The following CSNK1D variants were observed in gnomAD, a reference collection of about 807,000 sequenced individuals.
The protein encoded by CSNK1D is casein kinase 1 delta.
A neutral mutation model predicts 46.6 loss-of-function variants in CSNK1D; 16 were observed. The ratio of observed to expected loss-of-function variants is 0.34; its 90% CI spans 0.23 to 0.52. The LOEUF (loss-of-function observed/expected upper bound fraction) is 0.52. CSNK1D is among the 20% of genes least tolerant of loss of function. CSNK1D has a pLI of 0.95. For missense variants in CSNK1D, 398 were observed against 578.4 expected (o/e 0.69, Z 3.20); for synonymous variants, 276 against 228.2 (o/e 1.21, Z -1.89).
intron 2 of CSNK1D, among the ~76,000 whole-genome samples, chr17:82,259,509 A>G (rs939880755): frequency 5.9e-5 from 9 of 152,346 alleles, no homozygotes; most frequent in East Asian, 1.9e-4. Context: ...GGAAAAATCG[A>G]TATGTATCAA....
chr17:82,273,606 G>T lies in CSNK1D; in HGVS notation c.-225C>A. On this transcript the variant is annotated 5_prime_UTR_variant, in exon 1 of 9. Coordinates refer to ENST00000314028, the MANE Select transcript of CSNK1D (RefSeq NM_001893.6). The surrounding 1 kb of genome is among the most constrained non-coding windows in gnomAD (Gnocchi z 5.1). ...GCCGCCGCTGCTCCGGCCCCTACCG[G>T]TCCCGCTTGCCCTCTCCCCGCCGCG... 1.7e-6 allele frequency: 1 copy of T among 577,538 alleles called. No individual in the cohort carries two copies. Among genetic ancestry groups the T allele is most frequent in the Non-Finnish European group, 3.0e-6 (1 of 332,218 alleles). 35.8% of individuals were successfully genotyped at this position (577,538 alleles called of 1,614,324 possible).
chr17:82,247,598 G>C (rs114193039), intron 8 of CSNK1D: 11 of 985,434 alleles, frequency 1.1e-5, no homozygotes, highest in Non-Finnish European at 1.3e-5. Context: ...ATCAAGACAC[G>C]AGGGCACGGG....
At chr17:82,272,504 ACCT>A (rs1263669213) in intron 1 of CSNK1D, among the ~76,000 whole-genome samples, 1 of 152,214 alleles carries the variant, frequency 6.6e-6, no homozygotes, top group African/African-American at 2.4e-5. Context: ...TCTAAAGGAC[ACCT>A]CATGAGTACA....
chr17:82,273,636 G>T lies in CSNK1D; in HGVS notation c.-255C>A, dbSNP rs938132855. The T allele has an allele frequency of 1.5e-5, 8 of 550,640 alleles. No homozygotes were observed. Among genetic ancestry groups the T allele is most frequent in the Admixed American group, 3.5e-5 (1 of 28,316 alleles). The allele number at this position is 550,640 out of a possible 1,614,324, so 34.1% of individuals were successfully genotyped here. Reference sequence around the variant, plus strand: ...GCTTGCCCTCTCCCCGCCGCGGATGGACTCGGATCTTCCGGGCCTAAATCC... The same window carrying T: ...GCTTGCCCTCTCCCCGCCGCGGATGTACTCGGATCTTCCGGGCCTAAATCC... On this transcript the variant is annotated 5_prime_UTR_variant, in exon 1 of 9. Coordinates refer to ENST00000314028, the MANE Select transcript of CSNK1D (RefSeq NM_001893.6). This position sits in a 1 kb window ranked among gnomAD's most constrained non-coding sequence, Gnocchi z 5.1.
chr17:82,249,909 T>C lies in CSNK1D; in HGVS notation c.886-307A>G. 1 of 1,346,340 alleles carries C rather than the reference T, an allele frequency of 7.4e-7. No homozygotes were observed. Among genetic ancestry groups the C allele is most frequent in the South Asian group, 1.5e-5 (1 of 66,226 alleles). 83.4% of individuals were successfully genotyped at this position (1,346,340 alleles called of 1,614,324 possible). A position where few individuals can be genotyped will look rare whatever the true frequency, so the allele number is the denominator to read the frequency against. ...GCAGCAGCTACCCCCTGCTGCTCTG[T>C]GAACATGCTCACTAACACGTGCAGA... On this transcript the variant is annotated intron_variant, in intron 6 of 8. Coordinates refer to ENST00000314028, the MANE Select transcript of CSNK1D (RefSeq NM_001893.6). The surrounding 1 kb of genome is among the most constrained non-coding windows in gnomAD (Gnocchi z 6.7).
rs1599578788 is a variant in CSNK1D, at chr17:82,248,017, C to T, written c.1197+858G>A. 4.1e-6 allele frequency: 4 copies of T among 985,452 alleles called. No individual in the cohort carries two copies. Among genetic ancestry groups the T allele is most frequent in the Non-Finnish European group, 4.8e-6 (4 of 829,970 alleles). 61.0% of individuals were successfully genotyped at this position (985,452 alleles called of 1,614,324 possible). A position where few individuals can be genotyped will look rare whatever the true frequency, so the allele number is the denominator to read the frequency against. ...AGCAGGCCTGGCTCCATCCTGTGAT[C>T]CCAACAAACACCTCCCCACAAGCCC... On this transcript the variant is annotated intron_variant, in intron 8 of 8. Transcript: ENST00000314028. This position sits in a 1 kb window ranked among gnomAD's most constrained non-coding sequence, Gnocchi z 4.1.
intron 2 of CSNK1D, among the ~76,000 whole-genome samples, chr17:82,260,199 T>G (rs2051292647): frequency 6.9e-6 from 1 of 145,668 alleles, no homozygotes; most frequent in African/African-American, 2.6e-5. Context: ...TGGTGACTGA[T>G]GGTGTACTGA....
At chr17:82,260,165 T>G (rs925232748) in intron 2 of CSNK1D, among the ~76,000 whole-genome samples, 2 of 151,520 alleles carry the variant, frequency 1.3e-5, no homozygotes, top group African/African-American at 4.9e-5. Flanking sequence ...GTGTACTGAC[T>G]GATGTGACTG....
Position 82,273,048 on chromosome 17 carries a change from C to A in CSNK1D, c.76+258G>T, listed in dbSNP as rs2051676355. The A allele has an allele frequency of 2.2e-6, 1 of 456,450 alleles. No homozygotes were observed. The highest frequency in any genetic ancestry group is 2.7e-5 in the South Asian group (1 of 36,982). The allele number at this position is 456,450 out of a possible 1,614,324, so 28.3% of individuals were successfully genotyped here. A position where few individuals can be genotyped will look rare whatever the true frequency, so the allele number is the denominator to read the frequency against. On this transcript the variant is annotated intron_variant, in intron 1 of 8. Transcript: ENST00000314028. This position sits in a 1 kb window ranked among gnomAD's most constrained non-coding sequence, Gnocchi z 5.1. ...CACCCCGGGTCAGCTCCCCTATCCCCTCCTTCCCCAACCCTCCCCTCTCCA... is the reference window on the plus strand; with the variant it reads ...CACCCCGGGTCAGCTCCCCTATCCCATCCTTCCCCAACCCTCCCCTCTCCA...
Position 82,248,187 on chromosome 17 carries a change from T to G in CSNK1D, c.1197+688A>C, listed in dbSNP as rs2050899286. ...CCTGTTGGCGAACAACCCAGAAAACTATTTGAAGAAATATAATGGATCCAT... is the reference window on the plus strand; with the variant it reads ...CCTGTTGGCGAACAACCCAGAAAACGATTTGAAGAAATATAATGGATCCAT... On this transcript the variant is annotated intron_variant, in intron 8 of 8. Transcript: ENST00000314028. The surrounding 1 kb of genome is among the most constrained non-coding windows in gnomAD (Gnocchi z 4.1). The G allele has an allele frequency of 1.0e-6, 1 of 985,524 alleles. No homozygotes were observed. The allele number at this position is 985,524 out of a possible 1,614,324, so 61.0% of individuals were successfully genotyped here. A position where few individuals can be genotyped will look rare whatever the true frequency, so the allele number is the denominator to read the frequency against.
intron 2 of CSNK1D, among the ~76,000 whole-genome samples, chr17:82,258,281 A>T (rs1231231695): frequency 2.0e-5 from 3 of 150,268 alleles, no homozygotes; most frequent in Admixed American, 1.3e-4. Context: ...TCTTTTATAT[A>T]TATGTATATA....
At position 82,249,281 on chromosome 17, in the gene CSNK1D, G is replaced by A; in HGVS notation, c.1057+150C>T. ...TGCCGGCATTTCTAAAGGCGCCTGGGCAGCCTGGCTCATCCACCCTCAGGA... is the reference window on the plus strand; with the variant it reads ...TGCCGGCATTTCTAAAGGCGCCTGGACAGCCTGGCTCATCCACCCTCAGGA... On this transcript the variant is annotated intron_variant, in intron 7 of 8. Transcript: ENST00000314028. This position sits in a 1 kb window ranked among gnomAD's most constrained non-coding sequence, Gnocchi z 6.7. The A allele has an allele frequency of 1.1e-6, 1 of 899,572 alleles. No homozygotes were observed. The highest frequency in any genetic ancestry group is 1.7e-6 in the Non-Finnish European group (1 of 603,468). The allele number at this position is 899,572 out of a possible 1,614,324, so 55.7% of individuals were successfully genotyped here.
intron 1 of CSNK1D, among the ~76,000 whole-genome samples, chr17:82,266,396 C>T (rs140755561): frequency 5.3e-5 from 8 of 152,348 alleles, no homozygotes; most frequent in African/African-American, 9.6e-5. Flanking sequence ...AGAAGAATCG[C>T]CTGTTTTCAA....
chr17:82,260,177 T>C (rs990671962), intron 2 of CSNK1D, among the ~76,000 whole-genome samples: 1 of 149,878 alleles, frequency 6.7e-6, no homozygotes, highest in South Asian at 2.1e-4. Context: ...ATGTGACTGA[T>C]GGTGTACTGA....
chr17:82,260,174 T>C (rs2051291586), intron 2 of CSNK1D, among the ~76,000 whole-genome samples: 1 of 148,500 alleles, frequency 6.7e-6, no homozygotes, highest in African/African-American at 2.5e-5. Context: ...CTGATGTGAC[T>C]GATGGTGTAC....
rs368156314 is a variant in CSNK1D at position 82,252,531 on chromosome 17, C to A, written c.639G>T (p.Trp213Cys). The change falls in exon 5 of 9, where the codon TGG (tryptophan) becomes TGT (cysteine). Residue 213 changes from tryptophan (W) to cysteine (C), a missense_variant. Coordinates refer to ENST00000314028, the MANE Select transcript of CSNK1D (RefSeq NM_001893.6). The surrounding 1 kb of genome is among the most constrained non-coding windows in gnomAD (Gnocchi z 4.6). ...TCTTGGTGGCAGCCTTCAGCCCCTG[C>A]CAGGGGAGAGAGCCCAGGTTGAAGT... ...LMYFNLGSLP[W>C]QGLKAATKRQ... is the part of the protein sequence containing the mutation. The A allele has an allele frequency of 6.2e-7, 1 of 1,613,892 alleles. No homozygotes were observed. Among genetic ancestry groups the A allele is most frequent in the Non-Finnish European group, 8.5e-7 (1 of 1,179,958 alleles).
intron 2 of CSNK1D, among the ~76,000 whole-genome samples, chr17:82,264,073 TCTTG>T (rs2051406524): frequency 6.6e-6 from 1 of 152,258 alleles, no homozygotes; most frequent in Non-Finnish European, 1.5e-5. Flanking sequence ...AACGTCGGTT[TCTTG>T]TAGTAGCACA....
At chr17:82,246,630 G>T (rs960777297) in intron 8 of CSNK1D, 2 of 1,005,534 alleles carry the variant, frequency 2.0e-6, no homozygotes, top group Non-Finnish European at 2.4e-6. Flanking sequence ...GGCGGAGTCC[G>T]GGCTGGGGCG....
Position 82,248,577 on chromosome 17 carries a change from G to A in CSNK1D, c.1197+298C>T, listed in dbSNP as rs946611318. On this transcript the variant is annotated intron_variant, in intron 8 of 8. Transcript: ENST00000314028. This position sits in a 1 kb window ranked among gnomAD's most constrained non-coding sequence, Gnocchi z 4.1. ...GTGTCAGCTGCCTGGGGACGGCTGC[G>A]GGCAGCGGGGCACTCAAACAGCAGG... 1.3e-5 allele frequency: 16 copies of A among 1,239,844 alleles called. No individual in the cohort carries two copies. The highest frequency in any genetic ancestry group is 3.4e-4 in the Middle Eastern group (1 of 2,946). The allele number at this position is 1,239,844 out of a possible 1,614,324, so 76.8% of individuals were successfully genotyped here. A position where few individuals can be genotyped will look rare whatever the true frequency, so the allele number is the denominator to read the frequency against.
Sources: gnomAD v4.1 joint callset for allele counts (sites outside exome capture counted in the v4.1 genomes callset) on GRCh38, gnomAD v4.1.1 for gene constraint, Gnocchi (gnomAD v3.1) non-coding constraint, MANE v1.5 for transcripts, NCBI Gene and HGNC (gene_info 2026-07-23, HGNC 2026-07-21) for gene names.